ASMTL: variants seen among roughly 807,000 people sequenced by gnomAD.
The protein encoded by ASMTL is acetylserotonin O-methyltransferase like, also known as probable bifunctional dTTP/UTP pyrophosphatase/methyltransferase protein.
Under a neutral mutation model 60.3 loss-of-function variants are expected in ASMTL, and 57 were observed. The observed-to-expected ratio is 0.95, with a 90% CI of 0.76 to 1.18. ASMTL has a LOEUF of 1.18. Among genes scored for constraint, ASMTL ranks in the 50% most tolerant of loss-of-function variants. The pLI is 0.00. For synonymous variants in ASMTL, 419 were observed against 373.0 expected (o/e 1.12, Z -1.42); for missense variants, 981 against 852.6 (o/e 1.15, Z -1.88).
chrX:1,439,181 GCCGTGGGTCTCA>G, intron 2 of ASMTL, 37 bp from the exon 3 acceptor site: 1 of 1,609,628 alleles, frequency 6.2e-7, no homozygotes, highest in Non-Finnish European at 8.5e-7. Flanking sequence ...CCGGTGACGT[GCCGTGGGTCTCA>G]CAGAGAAGTT....
chrX:1,424,047 CACCT>C (rs1252824266), intron 8 of ASMTL, among the ~76,000 whole-genome samples: 1 of 146,536 alleles, frequency 6.8e-6, no homozygotes, highest in Non-Finnish European at 1.5e-5. Flanking sequence ...TCCACCCACC[CACCT>C]ACCCATCCAT....
chrX:1,438,947 C>T, intron 3 of ASMTL, 150 bp downstream of exon 3: 1 of 876,494 alleles, frequency 1.1e-6, no homozygotes, highest in Non-Finnish European at 1.8e-6. Flanking sequence ...CCCTTAGGCC[C>T]CTCATCTGCT....
At chrX:1,449,609 C>A (rs2091303923) in intron 1 of ASMTL, among the ~76,000 whole-genome samples, 1 of 151,844 alleles carries the variant, frequency 6.6e-6, no homozygotes, top group Non-Finnish European at 1.5e-5. Context: ...TCACCAGTAA[C>A]TTCTCTGCCA....
At chrX:1,418,955 G>A in intron 10 of ASMTL, 27 bp downstream of exon 10, 9 of 1,611,140 alleles carry the variant, frequency 5.6e-6, no homozygotes, top group Non-Finnish European at 7.6e-6. Context: ...CGAAAGTAAG[G>A]AGAGCCCTGG....
intron 6 of ASMTL, among the ~76,000 whole-genome samples, chrX:1,429,535 C>T (rs1207151725): frequency 6.6e-6 from 1 of 151,732 alleles, no homozygotes; most frequent in Non-Finnish European, 1.5e-5. Flanking sequence ...TTGGGCTGGG[C>T]GCGGTGGCTC....
At chrX:1,404,048 G>A (rs1292731655) in intron 12 of ASMTL, among the ~76,000 whole-genome samples, 2 of 151,976 alleles carry the variant, frequency 1.3e-5, no homozygotes, top group Non-Finnish European at 2.9e-5. Context: ...ATGGATGCAT[G>A]GACGAGATGG....
intron 1 of ASMTL, among the ~76,000 whole-genome samples, chrX:1,444,485 A>G (rs1331617030): frequency 6.6e-6 from 1 of 152,150 alleles, no homozygotes; most frequent in Non-Finnish European, 1.5e-5. Flanking sequence ...CTGGGATTAC[A>G]GATGTGAGCC....
chrX:1,412,372 T>C (rs28524067), intron 12 of ASMTL, among the ~76,000 whole-genome samples: 46,465 of 151,470 alleles, frequency 0.31, 7,464 homozygotes, highest in South Asian at 0.48. Flanking sequence ...GGATTACAGG[T>C]GCGCACTACC....
intron 12 of ASMTL, among the ~76,000 whole-genome samples, chrX:1,411,407 C>T (rs1325760461): frequency 2.6e-5 from 4 of 152,120 alleles, no homozygotes; most frequent in East Asian, 3.9e-4. Flanking sequence ...GCTGAGTGCC[C>T]GTCAGATTCC....
intron 12 of ASMTL, among the ~76,000 whole-genome samples, chrX:1,407,334 G>A (rs189266224): frequency 6.7e-6 from 1 of 149,794 alleles, no homozygotes; most frequent in Non-Finnish European, 1.5e-5. Context: ...TGGATGGATA[G>A]ATGGATGAGA....
At chrX:1,425,110 G>A (rs1202124462) in intron 8 of ASMTL, among the ~76,000 whole-genome samples, 1 of 151,802 alleles carries the variant, frequency 6.6e-6, no homozygotes, top group East Asian at 1.9e-4. Context: ...CTATGTATCT[G>A]TCATCTCTCT....
At position 1,417,721 on chromosome X, in the gene ASMTL, G is replaced by GAC. The variant is rs60780739; in HGVS notation, c.1522+250_1522+251dup. ...AGACGTGCACACACATGCGGATGCA[G>GAC]ACACACACACACACAGACATGCTCA... On this transcript the variant is annotated intron_variant, in intron 11 of 12. Transcript: ENST00000381317. 5.3e-5 allele frequency among the ~76,000 whole-genome samples: 8 copies of GAC among 149,718 alleles called. 1 individual carries two copies. Among genetic ancestry groups the GAC allele is most frequent in the African/African-American group, 2.0e-4 (8 of 40,752 alleles).
rs2089668417 is a variant in ASMTL, at chrX:1,403,425, C to T, written c.1710G>A (p.Leu570=). The T allele has an allele frequency of 1.2e-6, 2 of 1,613,328 alleles. No individual in the cohort carries two copies. Among genetic ancestry groups the T allele is most frequent in the Non-Finnish European group, 1.7e-6 (2 of 1,179,854 alleles). Residue 570 remains leucine, a synonymous_variant, in exon 13 of 13, where the codon CTG becomes CTA. Transcript: ENST00000381317. The part of the protein sequence containing the change: ...DEEKRVAQRA[L]MQSLNMLVQT... ...GCACCAGCATGTTCAGTGACTGCATCAGGGCGCGCTGCGCCACCCTCTTCT... is the reference window on the plus strand; with the variant it reads ...GCACCAGCATGTTCAGTGACTGCATTAGGGCGCGCTGCGCCACCCTCTTCT...
intron 1 of ASMTL, among the ~76,000 whole-genome samples, chrX:1,449,767 C>T (rs754821240): frequency 4.3e-5 from 6 of 139,702 alleles, no homozygotes; most frequent in African/African-American, 1.6e-4. Context: ...TATGCCCCAT[C>T]ATCACCAGTA....
At chrX:1,424,911 C>T (rs1353111156) in intron 8 of ASMTL, among the ~76,000 whole-genome samples, 1 of 142,674 alleles carries the variant, frequency 7.0e-6, no homozygotes, top group East Asian at 2.3e-4. Flanking sequence ...TCCACCTTCC[C>T]ATCCATGTAT....
At position 1,427,814 on chromosome X, in the gene ASMTL, C is replaced by T. The variant is rs2090652171; in HGVS notation, c.817G>A (p.Glu273Lys). ...GEAGQATAEA[E>K]CHRTRETLPP... ...AGGGTCTCCCGAGTCCTGTGACACT[C>T]AGCCTCTGCCGTGGCCTGTCCCGCC... Residue 273 changes from glutamate to lysine, a missense_variant, in exon 7 of 13, where the codon GAG becomes AAG. Coordinates refer to ENST00000381317, the MANE Select transcript of ASMTL (RefSeq NM_004192.4). The T allele has an allele frequency of 6.2e-7, 1 of 1,612,642 alleles. No individual in the cohort carries two copies. Among genetic ancestry groups the T allele is most frequent in the African/African-American group, 1.3e-5 (1 of 74,924 alleles).
At chrX:1,425,273 G>T (rs1482497077) in intron 8 of ASMTL, among the ~76,000 whole-genome samples, 1 of 152,186 alleles carries the variant, frequency 6.6e-6, no homozygotes, top group African/African-American at 2.4e-5. Context: ...GGAGAACATG[G>T]ACTGATACAG....
intron 1 of ASMTL, among the ~76,000 whole-genome samples, chrX:1,450,549 TC>T (rs1355099458): frequency 3.4e-5 from 4 of 117,280 alleles, no homozygotes; most frequent in Admixed American, 8.7e-5. Context: ...CACTAGGGCA[TC>T]CTGGGTCACT....
intron 1 of ASMTL, among the ~76,000 whole-genome samples, chrX:1,446,212 A>T (rs1305075981): frequency 6.6e-6 from 1 of 152,142 alleles, no homozygotes; most frequent in East Asian, 1.9e-4. Context: ...GCGGCCAGGC[A>T]GGGAAGGGCC....
Sources: allele counts gnomAD v4.1 joint callset (sites outside exome capture counted in the v4.1 genomes callset), GRCh38; gene constraint gnomAD v4.1.1; transcripts MANE v1.5; gene names NCBI Gene and HGNC (gene_info 2026-07-23, HGNC 2026-07-21).